CCDC186: variants seen among roughly 807,000 people sequenced by gnomAD.
CCDC186 encodes coiled-coil domain-containing protein 186.
In CCDC186, 49 loss-of-function variants were observed where a neutral mutation model predicts 113.7. The observed-to-expected ratio is 0.43, with a 90% CI of 0.34 to 0.55. The LOEUF is 0.55. Ranked by LOEUF, CCDC186 falls within the 20% of genes least tolerant of loss-of-function variation. The probability of loss-of-function intolerance (pLI) is 0.02; values close to 1 mark genes in which losing one functional copy is unlikely to be tolerated. For synonymous variants in CCDC186, 355 were observed against 345.8 expected (o/e 1.03, Z -0.30); for missense variants, 890 against 1,011.1 (o/e 0.88, Z 1.62).
In CCDC186 at chr10:114,162,727, G is replaced by T; in HGVS notation, c.542C>A (p.Pro181Gln). The T allele has an allele frequency of 1.9e-6, 3 of 1,613,706 alleles. No individual in the cohort carries two copies. Among genetic ancestry groups the T allele is most frequent in the Non-Finnish European group, 2.5e-6 (3 of 1,179,852 alleles). Residue 181 changes from proline to glutamine, a missense_variant, in exon 2 of 16, where the codon CCA (proline) becomes CAA (glutamine). By Grantham distance (76) the Pro-to-Gln change is moderately conservative. Coordinates refer to ENST00000369287, the MANE Select transcript of CCDC186 (RefSeq NM_018017.4). ...ATGTTCTCCCTTATTCATTCCATTT[G>T]GTACTCGATGTTCTGCAAACTCCGT... Reference protein sequence around the residue: ...LSTEFAEHRVPNGMNKGEHAL... With the variant: ...LSTEFAEHRVQNGMNKGEHAL...
chr10:114,127,658 A>G lies in CCDC186; in HGVS notation c.2196T>C (p.Ala732=), dbSNP rs922064126. 3 of 1,613,724 alleles carry G rather than the reference A, an allele frequency of 1.9e-6. No individual in the cohort carries two copies. Among genetic ancestry groups the G allele is most frequent in the Non-Finnish European group, 2.5e-6 (3 of 1,179,936 alleles). Residue 732 remains alanine (A), a synonymous_variant, in exon 14 of 16, where the codon GCT becomes GCC. Transcript: ENST00000369287. Reference sequence around the variant, plus strand: ...GAGATCGATCTTCTGCACTGCTTCGAGCATTCAGGGACCCTGAAGACAAAA... The same window carrying G: ...GAGATCGATCTTCTGCACTGCTTCGGGCATTCAGGGACCCTGAAGACAAAA... ...SRSSSSGSLN[A]RSSAEDRSPE...
At chr10:114,173,123 G>A (rs778653471) in intron 1 of CCDC186, 10 of 426,608 alleles carry the variant, frequency 2.3e-5, no homozygotes, top group South Asian at 1.3e-4. Flanking sequence ...CACACATGCA[G>A]AGAAAACGGC....
Position 114,125,046 on chromosome 10 carries a change from G to T in CCDC186, c.*97C>A. 1 of 835,366 alleles carries T rather than the reference G, an allele frequency of 1.2e-6. No individual in the cohort carries two copies. Among genetic ancestry groups the T allele is most frequent in the African/African-American group, 1.8e-5 (1 of 56,920 alleles). 51.7% of individuals were successfully genotyped at this position (835,366 alleles called of 1,614,324 possible). Reference sequence around the variant, plus strand: ...GATGAAGCAAAACAATATTTTTACTGGCTGAAACAAAAAGTGGAACAAAGT... The same window carrying T: ...GATGAAGCAAAACAATATTTTTACTTGCTGAAACAAAAAGTGGAACAAAGT... On this transcript the variant is annotated 3_prime_UTR_variant, in exon 16 of 16. Coordinates refer to ENST00000369287, the MANE Select transcript of CCDC186 (RefSeq NM_018017.4).
chr10:114,173,656 T>G (rs1239707115), intron 1 of CCDC186, among the ~76,000 whole-genome samples: 1 of 152,178 alleles, frequency 6.6e-6, no homozygotes, highest in African/African-American at 2.4e-5. Context: ...CTAGGAAAGA[T>G]TCTCGAGCAG....
rs1401049288 is a variant in CCDC186, at chr10:114,127,576, T to C, written c.2278A>G (p.Met760Val). 6.2e-7 allele frequency: 1 copy of C among 1,614,096 alleles called. No homozygotes were observed. Among genetic ancestry groups the C allele is most frequent in the South Asian group, 1.1e-5 (1 of 91,082 alleles). The stretch of plus-strand genomic sequence containing the variant: ...AGCCTAACTATTCTCTCAATCAACA[T>C]GGCCTTATCTACTTGTGGAAAGTTA... The part of the protein sequence containing the change: ...VDNFPQVDKA[M>V]LIERIVRLQK... Residue 760 changes from methionine to valine, a missense_variant, in exon 14 of 16, where the codon ATG becomes GTG. Met to Val is a conservative substitution (Grantham distance 21, BLOSUM62 1). Transcript: ENST00000369287.
chr10:114,172,604 A>T (rs1307059863), intron 1 of CCDC186, among the ~76,000 whole-genome samples: 1 of 152,250 alleles, frequency 6.6e-6, no homozygotes, highest in Non-Finnish European at 1.5e-5. Flanking sequence ...GCCTTTAAAA[A>T]ACAAACACAA....
At chr10:114,172,378 T>C (rs2032517456) in intron 1 of CCDC186, among the ~76,000 whole-genome samples, 1 of 152,224 alleles carries the variant, frequency 6.6e-6, no homozygotes, top group Non-Finnish European at 1.5e-5. Context: ...CTGAACATAC[T>C]AAGCAATCAT....
intron 10 of CCDC186, among the ~76,000 whole-genome samples, chr10:114,133,114 T>C (rs1450687170): frequency 6.6e-6 from 1 of 152,080 alleles, no homozygotes; most frequent in East Asian, 1.9e-4. Flanking sequence ...GAAAACAGAT[T>C]AGAGAGGATA....
chr10:114,135,858 T>C (rs757962534), intron 9 of CCDC186, 33 bp downstream of exon 9: 2 of 1,471,068 alleles, frequency 1.4e-6, no homozygotes, highest in Non-Finnish European at 1.9e-6. Flanking sequence ...ATATTTACCC[T>C]TCCTCTGGAT....
chr10:114,146,807 TTAAAA>T (rs1387997828), intron 4 of CCDC186, among the ~76,000 whole-genome samples: 1 of 152,318 alleles, frequency 6.6e-6, no homozygotes, highest in East Asian at 1.9e-4. Flanking sequence ...AAGGTAACTA[TTAAAA>T]TAAAGTGAGC....
chr10:114,168,905 A>G (rs1244181560), intron 1 of CCDC186, among the ~76,000 whole-genome samples: 2 of 152,260 alleles, frequency 1.3e-5, no homozygotes, highest in African/African-American at 4.8e-5. Context: ...AACTAGTCTC[A>G]TGCAAAGGTA....
intron 1 of CCDC186, among the ~76,000 whole-genome samples, chr10:114,173,442 A>C (rs1457558793): frequency 1.3e-5 from 2 of 151,934 alleles, no homozygotes; most frequent in East Asian, 1.9e-4. Flanking sequence ...CCCCTTCCTT[A>C]CCAACCAAGG....
intron 13 of CCDC186, among the ~76,000 whole-genome samples, chr10:114,127,939 T>C (rs1032968985): frequency 1.3e-5 from 2 of 151,894 alleles, no homozygotes; most frequent in East Asian, 3.9e-4. Context: ...AGACCAAAAT[T>C]AAACTATAAC....
At chr10:114,162,428 C>T in intron 2 of CCDC186, 1 of 401,184 alleles carries the variant, frequency 2.5e-6, no homozygotes, top group South Asian at 6.3e-5. Context: ...AATACATTTA[C>T]ACTATTTAAC....
In CCDC186 at chr10:114,157,435, G is replaced by A. The variant is rs548547722; in HGVS notation, c.759+119C>T. ...TCAAACTCCTGGGCTCAAGTAATCC[G>A]CCCACCTTGGCCTCCCAAAGTGCTA... On this transcript the variant is annotated intron_variant, in intron 3 of 15. Transcript: ENST00000369287. 7.8e-5 allele frequency: 64 copies of A among 823,724 alleles called. No homozygotes were observed. The South Asian group carries it at 1.3e-3, about 16-fold the overall frequency. The allele number at this position is 823,724 out of a possible 1,614,324, so 51.0% of individuals were successfully genotyped here.
At chr10:114,145,040 T>C (rs1264202740) in intron 5 of CCDC186, among the ~76,000 whole-genome samples, 1 of 152,092 alleles carries the variant, frequency 6.6e-6, no homozygotes, top group Non-Finnish European at 1.5e-5. Flanking sequence ...GGCTGCTAGT[T>C]AACAGGAAGG....
chr10:114,160,284 A>G (rs1344418729), intron 2 of CCDC186, among the ~76,000 whole-genome samples: 1 of 151,982 alleles, frequency 6.6e-6, no homozygotes, highest in Admixed American at 6.6e-5. Context: ...AAAAAAAAAA[A>G]ATTTGGTTGG....
At chr10:114,141,482 G>GGGGCTGCTTGATGCA (rs1484088433) in intron 6 of CCDC186, among the ~76,000 whole-genome samples, 2 of 152,002 alleles carry the variant, frequency 1.3e-5, no homozygotes, top group Non-Finnish European at 2.9e-5. Context: ...TAACCTTCTG[G>GGGGCTGCTTGATGCA]GGGCTGCTTG....
chr10:114,142,395 G>T (rs547403215), intron 6 of CCDC186, among the ~76,000 whole-genome samples: 2 of 152,188 alleles, frequency 1.3e-5, no homozygotes, highest in Admixed American at 6.5e-5. Context: ...GGCAGCCAAA[G>T]AACCACAGCC....
Sources: gnomAD v4.1 joint callset for allele counts (sites outside exome capture counted in the v4.1 genomes callset) on GRCh38, gnomAD v4.1.1 for gene constraint, MANE v1.5 for transcripts, NCBI Gene and HGNC (gene_info 2026-07-23, HGNC 2026-07-21) for gene names.